MAPDA: variants seen among roughly 807,000 people sequenced by gnomAD.
The protein encoded by MAPDA is N6-Methyl-AMP deaminase, also known as N6,N6-dimethyl-AMP deaminase.
At chr15:43,332,038 G>A in the MAPDA span, 1 of 152,166 alleles carries the variant, frequency 6.6e-6, no homozygotes. Flanking sequence ...GGGATCCTGG[G>A]CACGTATTAG....
chr15:43,335,576 T>G, the MAPDA span: 3 of 1,146,290 alleles, frequency 2.6e-6, no homozygotes, highest in Admixed American at 2.8e-5. Context: ...TTTGTAAACT[T>G]TATTATGTAG....
chr15:43,338,641 G>T, the MAPDA span, among the ~76,000 whole-genome samples: 1 of 152,288 alleles, frequency 6.6e-6, no homozygotes, highest in Middle Eastern at 3.4e-3. Flanking sequence ...TCTGGAAAAA[G>T]AATTTGAATA....
chr15:43,352,074 C>G, the MAPDA span: 3 of 871,622 alleles, frequency 3.4e-6, no homozygotes, highest in Non-Finnish European at 5.1e-6. Context: ...TCACCAGCAC[C>G]TTACACATGG....
At chr15:43,350,812 G>A in the MAPDA span, 33 of 748,510 alleles carry the variant, frequency 4.4e-5, no homozygotes, top group South Asian at 1.8e-4. Flanking sequence ...AGGAAAGGTC[G>A]ACTTTGTAAA....
At chr15:43,335,771 A>T in the MAPDA span, 3 of 1,614,074 alleles carry the variant, frequency 1.9e-6, no homozygotes, top group Non-Finnish European at 2.5e-6. Context: ...GCCAGATCTT[A>T]AAATCCACGA....
the MAPDA span, chr15:43,351,743 G>C: frequency 6.6e-7 from 1 of 1,523,732 alleles, no homozygotes; most frequent in South Asian, 1.2e-5. Flanking sequence ...TCTTGTTTAC[G>C]TTGGCAGACT....
the MAPDA span, among the ~76,000 whole-genome samples, chr15:43,338,536 T>C: frequency 1.3e-5 from 2 of 152,364 alleles, no homozygotes; most frequent in Non-Finnish European, 1.5e-5. Flanking sequence ...GGCAGTACTA[T>C]CTGGTTGCAG....
the MAPDA span, chr15:43,351,433 C>CA: frequency 4.7e-5 from 16 of 337,940 alleles, no homozygotes; most frequent in East Asian, 7.2e-4. Context: ...TAAAAACAAA[C>CA]AAAAAAACTG....
At chr15:43,330,526 T>A in the MAPDA span, 1 of 1,508,090 alleles carries the variant, frequency 6.6e-7, no homozygotes, top group Non-Finnish European at 8.8e-7. Context: ...TCTGTCACGG[T>A]TGTGAGCCGC....
the MAPDA span, chr15:43,349,424 CAT>C: frequency 1.6e-5 from 13 of 805,756 alleles, no homozygotes; most frequent in Non-Finnish European, 2.0e-5. Context: ...TATATTTTCA[CAT>C]GTCTGTTGAT....
the MAPDA span, chr15:43,330,597 G>A: frequency 7.8e-7 from 1 of 1,289,704 alleles, no homozygotes; most frequent in Non-Finnish European, 1.0e-6. Context: ...CCATGCTCCT[G>A]GACTTCCCCT....
At chr15:43,346,630 C>T in the MAPDA span, among the ~76,000 whole-genome samples, 2 of 152,222 alleles carry the variant, frequency 1.3e-5, no homozygotes, top group African/African-American at 2.4e-5. Flanking sequence ...CTGGAGTATT[C>T]TGCCCTTCTT....
the MAPDA span, among the ~76,000 whole-genome samples, chr15:43,342,253 GA>G: frequency 1.3e-5 from 2 of 151,402 alleles, no homozygotes; most frequent in Admixed American, 1.3e-4. Context: ...TAAAGAAAAA[GA>G]AAAAAAGGTA....
the MAPDA span, among the ~76,000 whole-genome samples, chr15:43,350,010 A>G: frequency 6.6e-6 from 1 of 151,862 alleles, no homozygotes; most frequent in Non-Finnish European, 1.5e-5. Flanking sequence ...AAGGTATTTT[A>G]CTCTGGCTGG....
the MAPDA span, chr15:43,330,543 G>C: frequency 6.7e-7 from 1 of 1,500,620 alleles, no homozygotes; most frequent in Non-Finnish European, 8.9e-7. Context: ...CCGCCCCTTG[G>C]TTAGCACACA....
At chr15:43,342,322 C>T in the MAPDA span, among the ~76,000 whole-genome samples, 2 of 151,798 alleles carry the variant, frequency 1.3e-5, no homozygotes, top group African/African-American at 4.8e-5. Flanking sequence ...GAGCAGAGCA[C>T]TCAGACTTGG....
the MAPDA span, chr15:43,351,369 G>A: frequency 3.1e-6 from 1 of 325,882 alleles, no homozygotes; most frequent in Non-Finnish European, 5.6e-6. Context: ...AGAGGCTACA[G>A]AGGGCCAGGG....
chr15:43,343,351 C>T, the MAPDA span, among the ~76,000 whole-genome samples: 1 of 152,218 alleles, frequency 6.6e-6, no homozygotes, highest in Non-Finnish European at 1.5e-5. Flanking sequence ...CAAGGTCCCA[C>T]ATGATCTGGC....
the MAPDA span, among the ~76,000 whole-genome samples, chr15:43,338,896 G>C: frequency 2.0e-5 from 3 of 152,168 alleles, no homozygotes; most frequent in African/African-American, 7.2e-5. Flanking sequence ...GGTTTTACAG[G>C]TACCTAGCCA....
Sources: allele counts gnomAD v4.1 joint callset (sites outside exome capture counted in the v4.1 genomes callset), GRCh38; gene constraint gnomAD v4.1.1; transcripts MANE v1.5; gene names NCBI Gene and HGNC (gene_info 2026-07-23, HGNC 2026-07-21).